SMURF1: variants seen among roughly 807,000 people sequenced by gnomAD.
The protein encoded by SMURF1 is E3 ubiquitin-protein ligase SMURF1.
A neutral mutation model predicts 98.0 loss-of-function variants in SMURF1; 44 were observed. The ratio of observed to expected loss-of-function variants is 0.45; its 90% CI spans 0.35 to 0.58. SMURF1 has a LOEUF of 0.58. SMURF1 is among the 20% of genes least tolerant of loss of function. SMURF1 has a pLI of 0.00. For synonymous variants in SMURF1, 396 were observed against 374.9 expected, an observed-to-expected ratio of 1.06 and a Z score of -0.65; for missense variants, 687 against 938.4, an observed-to-expected ratio of 0.73 and a Z score of 3.50.
At chr7:99,118,805 T>C (rs143368053) in intron 1 of SMURF1, among the ~76,000 whole-genome samples, 246 of 152,228 alleles carry the variant, frequency 1.6e-3, no homozygotes, top group African/African-American at 5.2e-3. Flanking sequence ...CAACTTTTTT[T>C]TAAAGACAGC....
chr7:99,057,495 T>G lies in SMURF1; in HGVS notation c.260A>C (p.His87Pro). ...TISVWNHKKI[H>P]KKQGAGFLGC... ...CAGGAAGCCAGCTCCCTGTTTCTTG[T>G]GAATTTTCTTATGGTTCCACACGCT... Residue 87 changes from histidine (H) to proline (P), a missense_variant, in exon 4 of 18, where the codon CAC becomes CCC. By Grantham distance (77) the His-to-Pro change is moderately conservative (BLOSUM62 -2). This residue lies in a region of SMURF1 where 415 missense variants were observed against 508.4 expected (regional missense o/e 0.82). Coordinates refer to ENST00000361368, the MANE Select transcript of SMURF1 (RefSeq NM_181349.3). The G allele has an allele frequency of 6.3e-7, 1 of 1,588,126 alleles. No homozygotes were observed. Among genetic ancestry groups the G allele is most frequent in the African/African-American group, 1.4e-5 (1 of 72,930 alleles).
chr7:99,126,056 CAG>C (rs1797737127), intron 1 of SMURF1, among the ~76,000 whole-genome samples: 1 of 152,186 alleles, frequency 6.6e-6, no homozygotes, highest in African/African-American at 2.4e-5. Context: ...CAACTAGACT[CAG>C]GGGCGCTTTG....
chr7:99,113,152 G>A (rs1288210702), intron 1 of SMURF1, among the ~76,000 whole-genome samples: 1 of 150,786 alleles, frequency 6.6e-6, no homozygotes, highest in African/African-American at 2.4e-5. Flanking sequence ...TGAAAAACAT[G>A]AATCTACACA....
intron 1 of SMURF1, 38 bp from the exon 2 acceptor site, chr7:99,061,875 G>A (rs890615706): frequency 6.7e-7 from 1 of 1,495,672 alleles, no homozygotes; most frequent in Non-Finnish European, 9.1e-7. Context: ...TAGCATTAAA[G>A]ACGAGATTTC....
rs113689896 is a variant in SMURF1 at position 99,063,042 on chromosome 7, T to C, written c.56-1205A>G. On this transcript the variant is annotated intron_variant, in intron 1 of 17. Transcript: ENST00000361368. ...TTTGTCTTTTGTACTGCTTCACAAA[T>C]TGTCCTCAATTTTAAGAATATTATG... 7.3e-4 allele frequency among the ~76,000 whole-genome samples: 110 copies of C among 151,560 alleles called. 1 individual carries two copies. Among genetic ancestry groups the C allele is most frequent in the Non-Finnish European group, 8.7e-4 (59 of 67,926 alleles).
chr7:99,083,033 T>G (rs1278464041), intron 1 of SMURF1, among the ~76,000 whole-genome samples: 1 of 152,154 alleles, frequency 6.6e-6, no homozygotes, highest in Non-Finnish European at 1.5e-5. Context: ...AGATTAGGGT[T>G]TGCATAGGAT....
At chr7:99,093,614 A>C (rs547279502) in intron 1 of SMURF1, among the ~76,000 whole-genome samples, 250 of 125,964 alleles carry the variant, frequency 2.0e-3, no homozygotes, top group African/African-American at 0.011. Flanking sequence ...ATTTCCATGC[A>C]AAAAAAAAAA....
chr7:99,051,604 A>G (rs944289029), intron 7 of SMURF1, among the ~76,000 whole-genome samples, 163 bp from the exon 8 acceptor site: 1 of 151,940 alleles, frequency 6.6e-6, no homozygotes, highest in African/African-American at 2.4e-5. Flanking sequence ...CCTCTTCTCC[A>G]TCTCGCCCCA....
rs994746294 is a variant in SMURF1 at position 99,118,798 on chromosome 7, C to CT, written c.55+24927dup. 4.6e-5 allele frequency among the ~76,000 whole-genome samples: 7 copies of CT among 151,794 alleles called. 1 individual carries two copies. The East Asian group carries it at 7.8e-4, about 17-fold the overall frequency. Reference sequence around the variant, plus strand: ...TTATGTTGCAAGAATTTTACCTCAACTTTTTTTTAAAGACAGCTCTATATT... The same window carrying CT: ...TTATGTTGCAAGAATTTTACCTCAACTTTTTTTTTAAAGACAGCTCTATATT... On this transcript the variant is annotated intron_variant, in intron 1 of 17. Transcript: ENST00000361368.
At chr7:99,138,146 T>A (rs1170745465) in intron 1 of SMURF1, among the ~76,000 whole-genome samples, 3 of 151,916 alleles carry the variant, frequency 2.0e-5, no homozygotes, top group Non-Finnish European at 2.9e-5. Context: ...TAAAAAAAAA[T>A]TAGCCTCTAA....
intron 1 of SMURF1, among the ~76,000 whole-genome samples, chr7:99,062,900 TTC>T (rs1239430448): frequency 6.6e-6 from 1 of 151,716 alleles, no homozygotes; most frequent in Non-Finnish European, 1.5e-5. Flanking sequence ...GCAATTAAGG[TTC>T]TTATTATTTT....
chr7:99,036,619 T>C (rs1053247299), intron 15 of SMURF1: 2 of 163,116 alleles, frequency 1.2e-5, no homozygotes, highest in African/African-American at 2.4e-5. Context: ...GCACCAGAGA[T>C]GGATAAGGGC....
intron 13 of SMURF1, among the ~76,000 whole-genome samples, chr7:99,040,120 C>T (rs2150507284): frequency 6.6e-6 from 1 of 152,262 alleles, no homozygotes; most frequent in African/African-American, 2.4e-5. Context: ...TTTGCTAGAT[C>T]TGGTGGGTTT....
At chr7:99,143,667 G>C in intron 1 of SMURF1, 59 bp downstream of exon 1, 8 of 1,456,022 alleles carry the variant, frequency 5.5e-6, no homozygotes, top group Non-Finnish European at 7.4e-6. Flanking sequence ...CGCCCTGCGG[G>C]GAATTCCGGG....
intron 1 of SMURF1, 80 bp downstream of exon 1, chr7:99,143,646 G>A: frequency 6.2e-6 from 8 of 1,298,952 alleles, no homozygotes; most frequent in Non-Finnish European, 8.3e-6. Context: ...GGGGAGGGCC[G>A]CTTCCAAGGG....
intron 17 of SMURF1, among the ~76,000 whole-genome samples, chr7:99,032,354 C>T (rs1794931821): frequency 6.6e-6 from 1 of 152,202 alleles, no homozygotes; most frequent in Non-Finnish European, 1.5e-5. Context: ...CAGAGTCCTA[C>T]AAATCGGAAA....
At position 99,040,572 on chromosome 7, in the gene SMURF1, G is replaced by A. The variant is rs1195167342; in HGVS notation, c.1372-16C>T. 17 of 1,410,958 alleles carry A rather than the reference G, an allele frequency of 1.2e-5. No individual in the cohort carries two copies. The highest frequency in any genetic ancestry group is 1.6e-5 in the Non-Finnish European group (17 of 1,075,156). The allele number at this position is 1,410,958 out of a possible 1,614,324, so 87.4% of individuals were successfully genotyped here. The stretch of plus-strand genomic sequence containing the variant: ...ACAAGTGGTCCTGTAGGGGGCACCA[G>A]AGAACACGAATTTGTCAGCATGGTG... On this transcript the variant is annotated splice_polypyrimidine_tract_variant and intron_variant, in intron 12 of 17. Coordinates refer to ENST00000361368, the MANE Select transcript of SMURF1 (RefSeq NM_181349.3).
intron 1 of SMURF1, among the ~76,000 whole-genome samples, chr7:99,082,857 A>G (rs1352997566): frequency 6.6e-6 from 1 of 152,222 alleles, no homozygotes; most frequent in African/African-American, 2.4e-5. Context: ...CCTTCAATCC[A>G]TGAACATGGC....
intron 16 of SMURF1, 28 bp downstream of exon 16, chr7:99,035,487 C>T (rs187198297): frequency 3.0e-5 from 49 of 1,612,910 alleles, no homozygotes; most frequent in African/African-American, 5.3e-5. Context: ...GACGCGTCAT[C>T]GAATAGCCCT....
Sources: allele counts gnomAD v4.1 joint callset (sites outside exome capture counted in the v4.1 genomes callset), GRCh38; gene constraint gnomAD v4.1.1; regional missense constraint gnomAD v4.1.1; transcripts MANE v1.5; gene names NCBI Gene and HGNC (gene_info 2026-07-23, HGNC 2026-07-21).